Variants in PALM2AKAP2 observed in about 807,000 individuals in gnomAD.
PALM2AKAP2 encodes the protein PALM2 and AKAP2 fusion, also known as PALM2-AKAP2 fusion protein.
In PALM2AKAP2, 37 loss-of-function variants were observed where a neutral mutation model predicts 71.5. The ratio of observed to expected loss-of-function variants is 0.52; its 90% CI spans 0.40 to 0.68. PALM2AKAP2 has a LOEUF of 0.68. Among genes scored for constraint, PALM2AKAP2 ranks in the 30% least tolerant of loss-of-function variants. The pLI is 0.00. For missense variants in PALM2AKAP2, 1,224 were observed against 1,191.8 expected, an observed-to-expected ratio of 1.03 and a Z score of -0.40; for synonymous variants, 468 against 478.8, an observed-to-expected ratio of 0.98 and a Z score of 0.29.
At chr9:110,017,917 G>A (rs575566228) in intron 7 of PALM2AKAP2, among the ~76,000 whole-genome samples, 14 of 151,928 alleles carry the variant, frequency 9.2e-5, no homozygotes, top group Non-Finnish European at 1.8e-4. Flanking sequence ...CAGTAGAGAC[G>A]GGGTTTCACC....
intron 1 of PALM2AKAP2, among the ~76,000 whole-genome samples, chr9:110,101,459 A>C (rs1198640846): frequency 6.6e-6 from 1 of 152,100 alleles, no homozygotes; most frequent in Non-Finnish European, 1.5e-5. Flanking sequence ...ATATATTAAT[A>C]TCAGTAAGTC....
At chr9:109,804,256 A>G (rs1317068530) in intron 1 of PALM2AKAP2, among the ~76,000 whole-genome samples, 1 of 152,182 alleles carries the variant, frequency 6.6e-6, no homozygotes, top group African/African-American at 2.4e-5. Flanking sequence ...CATGGAGGAA[A>G]TAAGATAGTC....
intron 4 of PALM2AKAP2, 114 bp downstream of exon 4, chr9:109,923,963 G>A (rs545254302): frequency 1.1e-5 from 12 of 1,093,270 alleles, no homozygotes; most frequent in Middle Eastern, 4.1e-4. Context: ...TCTGAGCCAC[G>A]AACTCTATGA....
chr9:109,863,534 T>A (rs373001344), intron 1 of PALM2AKAP2, among the ~76,000 whole-genome samples: 48 of 151,858 alleles, frequency 3.2e-4, no homozygotes, highest in African/African-American at 1.2e-3. Flanking sequence ...AAAGGAGAGG[T>A]AGAGTTGTAG....
intron 7 of PALM2AKAP2, among the ~76,000 whole-genome samples, chr9:110,034,653 G>A (rs1240325661): frequency 7.2e-6 from 1 of 138,288 alleles, no homozygotes; most frequent in African/African-American, 2.8e-5. Context: ...TGCCCAGGCT[G>A]GAGTGCAGTG....
At chr9:109,894,264 A>T (rs1260855272) in intron 3 of PALM2AKAP2, among the ~76,000 whole-genome samples, 5 of 152,164 alleles carry the variant, frequency 3.3e-5, no homozygotes, top group Non-Finnish European at 5.9e-5. Flanking sequence ...GCTTGAACCC[A>T]GGAGGCAGAG....
At chr9:109,648,528 TA>T (rs970830259) in intron 1 of PALM2AKAP2, among the ~76,000 whole-genome samples, 1 of 152,288 alleles carries the variant, frequency 6.6e-6, no homozygotes, top group Admixed American at 6.5e-5. Context: ...CAATAAATGT[TA>T]AAAAAATTAA....
Position 110,164,894 on chromosome 9 carries a change from A to C in PALM2AKAP2, c.2749-3505A>C, listed in dbSNP as rs112953684. Among the ~76,000 whole-genome samples the C allele has an allele frequency of 2.2e-4, 33 of 152,054 alleles. 1 individual carries two copies. Among genetic ancestry groups the C allele is most frequent in the African/African-American group, 7.7e-4 (32 of 41,446 alleles). ...TTTTCCATTTCCATGGGGAGTGTTG[A>C]TTGCTCTTCTCTGGTGTGTCTCCTT... On this transcript the variant is annotated intron_variant, in intron 3 of 3. Coordinates refer to ENST00000374525, the Ensembl canonical transcript of PALM2AKAP2.
chr9:109,692,571 G>GT (rs920128665), intron 1 of PALM2AKAP2, among the ~76,000 whole-genome samples: 11 of 151,828 alleles, frequency 7.2e-5, no homozygotes, highest in Non-Finnish European at 1.6e-4. Flanking sequence ...GTAGCTATAG[G>GT]TTTTTTATAC....
chr9:109,889,366 G>C (rs1830037145), intron 3 of PALM2AKAP2, among the ~76,000 whole-genome samples: 1 of 152,122 alleles, frequency 6.6e-6, no homozygotes, highest in Non-Finnish European at 1.5e-5. Flanking sequence ...TAATGAGTGG[G>C]AGTGAAAAAA....
chr9:110,131,036 A>C (rs571669424), intron 1 of PALM2AKAP2, among the ~76,000 whole-genome samples: 20 of 152,270 alleles, frequency 1.3e-4, no homozygotes, highest in East Asian at 7.7e-4. Context: ...GGGGCGTGGG[A>C]TCTCTCATTG....
chr9:110,159,850 C>G (rs1836552898), intron 3 of PALM2AKAP2, among the ~76,000 whole-genome samples: 1 of 152,162 alleles, frequency 6.6e-6, no homozygotes, highest in Non-Finnish European at 1.5e-5. Context: ...AGGCCCCTGG[C>G]TTATGGGAGT....
chr9:109,650,304 G>A (rs911721738), intron 1 of PALM2AKAP2, among the ~76,000 whole-genome samples: 4 of 151,940 alleles, frequency 2.6e-5, no homozygotes, highest in African/African-American at 9.7e-5. Context: ...TCACCTTTTA[G>A]GGTTGTCCAC....
intron 1 of PALM2AKAP2, among the ~76,000 whole-genome samples, chr9:109,801,539 A>G (rs1827429153): frequency 6.6e-6 from 1 of 152,234 alleles, no homozygotes; most frequent in African/African-American, 2.4e-5. Context: ...TAAATAGCAA[A>G]AAAGCAAGCT....
intron 6 of PALM2AKAP2, among the ~76,000 whole-genome samples, chr9:109,979,361 C>T (rs1322105586): frequency 1.3e-5 from 2 of 152,178 alleles, no homozygotes; most frequent in African/African-American, 4.8e-5. Flanking sequence ...CTCTCAAGCC[C>T]CGCCTGTCTT....
At chr9:109,993,052 A>C (rs1434295932) in intron 6 of PALM2AKAP2, among the ~76,000 whole-genome samples, 2 of 150,744 alleles carry the variant, frequency 1.3e-5, no homozygotes, top group African/African-American at 4.9e-5. Flanking sequence ...CTAAATATAC[A>C]CTCCCTCCTT....
At chr9:110,027,567 G>T (rs944282134) in intron 7 of PALM2AKAP2, among the ~76,000 whole-genome samples, 3 of 152,214 alleles carry the variant, frequency 2.0e-5, no homozygotes, top group African/African-American at 7.2e-5. Flanking sequence ...AACAAGGTTG[G>T]TAGCCCTTAG....
At chr9:110,078,956 A>C (rs972718049) in intron 1 of PALM2AKAP2, among the ~76,000 whole-genome samples, 4 of 152,214 alleles carry the variant, frequency 2.6e-5, no homozygotes, top group Non-Finnish European at 2.9e-5. Flanking sequence ...TATGACAACT[A>C]ATTTTAGGAA....
chr9:110,091,873 A>G (rs1212097422), intron 1 of PALM2AKAP2, among the ~76,000 whole-genome samples: 1 of 152,222 alleles, frequency 6.6e-6, no homozygotes, highest in African/African-American at 2.4e-5. Context: ...CAATCAAGAT[A>G]AAGAACAGTT....
Sources: allele counts gnomAD v4.1 joint callset (sites outside exome capture counted in the v4.1 genomes callset), GRCh38; gene constraint gnomAD v4.1.1; transcripts MANE v1.5; gene names NCBI Gene and HGNC (gene_info 2026-07-23, HGNC 2026-07-21).